The following FOXP1 variants were observed in gnomAD, a reference collection of about 807,000 sequenced individuals.
FOXP1 encodes forkhead box protein P1.
FOXP1 carries 15 observed loss-of-function variants against 98.2 expected under a neutral mutation model. That is an observed-to-expected ratio of 0.15 (90% CI 0.10 to 0.24). The LOEUF (loss-of-function observed/expected upper bound fraction) is 0.24, where lower values mean the gene tolerates loss of function less well. Among genes scored for constraint, FOXP1 ranks in the 10% least tolerant of loss-of-function variants. The pLI is 1.00. For missense variants in FOXP1, 633 were observed against 848.5 expected (o/e 0.75, Z 3.15); for synonymous variants, 371 against 314.5 (o/e 1.18, Z -1.90).
rs573639526 is a variant in FOXP1 at position 71,176,743 on chromosome 3, C to CAAAAAAAAAAA, written c.180+21448_180+21458dup. On this transcript the variant is annotated intron_variant, in intron 6 of 20. Coordinates refer to ENST00000649528, the MANE Select transcript of FOXP1 (RefSeq NM_001349338.3). ...AGGGCAACAGAGCAAGAGGCTATCT[C>CAAAAAAAAAAA]AAAAAAAAAAAAAAAAAAAAAAAAA... 7.0e-4 allele frequency among the ~76,000 whole-genome samples: 53 copies of CAAAAAAAAAAA among 75,546 alleles called. 1 individual carries two copies. Among genetic ancestry groups the CAAAAAAAAAAA allele is most frequent in the African/African-American group, 3.2e-3 (51 of 16,112 alleles). 49.6% of individuals were successfully genotyped at this position (75,546 alleles called of 152,430 possible).
intron 3 of FOXP1, among the ~76,000 whole-genome samples, chr3:71,379,107 T>G (rs1304331063): frequency 6.6e-6 from 1 of 152,182 alleles, no homozygotes; most frequent in Non-Finnish European, 1.5e-5. Context: ...ATCTTGGTGG[T>G]TTTTAGTTAA....
chr3:71,024,134 C>A (rs553452002), intron 11 of FOXP1, among the ~76,000 whole-genome samples: 2 of 152,218 alleles, frequency 1.3e-5, no homozygotes, highest in African/African-American at 2.4e-5. Context: ...ACTGTAGCAT[C>A]GGAGGAAAAG....
intron 7 of FOXP1, among the ~76,000 whole-genome samples, chr3:71,074,918 A>G (rs936074057): frequency 1.3e-5 from 2 of 152,160 alleles, no homozygotes; most frequent in Non-Finnish European, 2.9e-5. Context: ...TTATACTCCC[A>G]TCTCCACTGC....
At chr3:71,112,215 C>T (rs1316549085) in intron 7 of FOXP1, among the ~76,000 whole-genome samples, 2 of 152,140 alleles carry the variant, frequency 1.3e-5, no homozygotes, top group Non-Finnish European at 2.9e-5. Context: ...CTAGACCCAA[C>T]ATAAGAGAAT....
At chr3:71,555,997 G>A (rs981983662) in intron 2 of FOXP1, among the ~76,000 whole-genome samples, 1 of 151,972 alleles carries the variant, frequency 6.6e-6, no homozygotes, top group Admixed American at 6.6e-5. Flanking sequence ...TAAATGGGAT[G>A]GGTAGAAAAA....
At chr3:71,539,162 G>A (rs13067236) in intron 2 of FOXP1, among the ~76,000 whole-genome samples, 765 of 45,584 alleles carry the variant, frequency 0.017, no homozygotes, top group African/African-American at 0.031. Context: ...CCCAGGCTGG[G>A]GTGCAGTGGC....
intron 6 of FOXP1, among the ~76,000 whole-genome samples, chr3:71,190,811 GGA>G (rs1263017281): frequency 6.6e-6 from 1 of 152,018 alleles, no homozygotes; most frequent in Non-Finnish European, 1.5e-5. Flanking sequence ...GCAGGGGAGG[GGA>G]GATAATGTGG....
chr3:71,382,009 C>T (rs557959828), intron 3 of FOXP1, among the ~76,000 whole-genome samples: 6 of 152,146 alleles, frequency 3.9e-5, no homozygotes, highest in African/African-American at 9.7e-5. Flanking sequence ...GCCCAGCTCA[C>T]GCCTGTAAAT....
chr3:70,976,784 C>T lies in FOXP1; in HGVS notation c.1530+157G>A, dbSNP rs13068094. Among the ~76,000 whole-genome samples the T allele has an allele frequency of 0.42, 64,224 of 152,126 alleles. 16,099 individuals carry two copies. The highest frequency in any genetic ancestry group is 0.56 in the Middle Eastern group (165 of 294). ...CATCAGAGCATTTCAACCACAATGG[C>T]ACTATTTTCCCAATCAAATACACCT... On this transcript the variant is annotated intron_variant, in intron 17 of 20. Transcript: ENST00000649528.
chr3:71,041,257 G>T, intron 11 of FOXP1, 71 bp downstream of exon 11: 1 of 1,205,180 alleles, frequency 8.3e-7, no homozygotes, highest in Non-Finnish European at 1.2e-6. Context: ...ACTGAGATAT[G>T]ACGAGGCAGG....
chr3:71,245,722 C>T (rs2067686948), intron 5 of FOXP1, among the ~76,000 whole-genome samples: 1 of 151,936 alleles, frequency 6.6e-6, no homozygotes. Flanking sequence ...CATTCATGCA[C>T]CTGAAAATTT....
intron 11 of FOXP1, among the ~76,000 whole-genome samples, chr3:71,033,542 C>T (rs1260788951): frequency 1.5e-5 from 2 of 134,516 alleles, no homozygotes; most frequent in African/African-American, 2.7e-5. Context: ...TAAGGCACAA[C>T]AGCTGTTAGA....
At chr3:71,322,187 CATGA>C (rs2075428081) in intron 4 of FOXP1, among the ~76,000 whole-genome samples, 1 of 152,160 alleles carries the variant, frequency 6.6e-6, no homozygotes, top group Non-Finnish European at 1.5e-5. Flanking sequence ...GGAATAAAAA[CATGA>C]ATAAAACTAG....
chr3:71,042,985 A>G (rs2048546253), intron 10 of FOXP1, among the ~76,000 whole-genome samples: 1 of 152,164 alleles, frequency 6.6e-6, no homozygotes, highest in African/African-American at 2.4e-5. Context: ...AATGAGTCTG[A>G]TAGGATTTTT....
At chr3:71,440,792 G>A (rs2108451080) in intron 3 of FOXP1, among the ~76,000 whole-genome samples, 1 of 152,092 alleles carries the variant, frequency 6.6e-6, no homozygotes, top group African/African-American at 2.4e-5. Flanking sequence ...TTGAGCCCAA[G>A]CGGTTGAGGC....
At position 70,971,715 on chromosome 3, in the gene FOXP1, G is replaced by A. The variant is rs371200420; in HGVS notation, c.1652+840C>T. ...CAAAAATTCCCTTTTTACTTGGGGT[G>A]GGGAGAGAGGGGGGATTATGGGTTA... On this transcript the variant is annotated intron_variant, in intron 18 of 20. Coordinates refer to ENST00000649528, the MANE Select transcript of FOXP1 (RefSeq NM_001349338.3). 62 of 273,084 alleles carry A rather than the reference G, an allele frequency of 2.3e-4. 3 individuals are homozygous for A. Among genetic ancestry groups the A allele is most frequent in the Admixed American group, 6.8e-4 (13 of 19,098 alleles). The allele number at this position is 273,084 out of a possible 1,614,324, so 16.9% of individuals were successfully genotyped here. A position where few individuals can be genotyped will look rare whatever the true frequency, so the allele number is the denominator to read the frequency against.
At chr3:71,216,166 C>T (rs935977734) in intron 5 of FOXP1, among the ~76,000 whole-genome samples, 1 of 152,204 alleles carries the variant, frequency 6.6e-6, no homozygotes, top group Non-Finnish European at 1.5e-5. Flanking sequence ...GCCTTGAGTC[C>T]ATCACACTGA....
chr3:71,034,554 T>TA (rs1307896350), intron 11 of FOXP1, among the ~76,000 whole-genome samples: 16 of 151,936 alleles, frequency 1.1e-4, no homozygotes, highest in African/African-American at 3.6e-4. Context: ...AAATAAAAAA[T>TA]AAAAAAAATT....
At chr3:71,109,183 T>C (rs2057704126) in intron 7 of FOXP1, among the ~76,000 whole-genome samples, 1 of 152,214 alleles carries the variant, frequency 6.6e-6, no homozygotes, top group African/African-American at 2.4e-5. Flanking sequence ...GTTCAGTATG[T>C]GGATCTGCAA....
Sources: gnomAD v4.1 joint callset for allele counts (sites outside exome capture counted in the v4.1 genomes callset) on GRCh38, gnomAD v4.1.1 for gene constraint, MANE v1.5 for transcripts, NCBI Gene and HGNC (gene_info 2026-07-23, HGNC 2026-07-21) for gene names.